CNTN4: variants seen among roughly 807,000 people sequenced by gnomAD.
CNTN4 encodes the protein contactin 4, also known as contactin-4.
CNTN4 carries 77 observed loss-of-function variants against 122.5 expected under a neutral mutation model. The observed-to-expected ratio is 0.63, with a 90% CI of 0.52 to 0.76. The LOEUF (loss-of-function observed/expected upper bound fraction) is 0.76. Among genes scored for constraint, CNTN4 ranks in the 30% least tolerant of loss-of-function variants. The probability of loss-of-function intolerance (pLI) is 0.00; values close to 1 mark genes in which losing one functional copy is unlikely to be tolerated. For synonymous variants in CNTN4, 512 were observed against 447.0 expected (o/e 1.15, Z -1.83); for missense variants, 1,256 against 1,259.1 (o/e 1.00, Z 0.04).
intron 7 of CNTN4, among the ~76,000 whole-genome samples, chr3:2,830,029 A>T (rs2093068762): frequency 6.6e-6 from 1 of 152,222 alleles, no homozygotes; most frequent in African/African-American, 2.4e-5. Context: ...TGTTCAGAAA[A>T]AAAATAATAA....
At chr3:2,289,767 T>G (rs962557142) in intron 2 of CNTN4, among the ~76,000 whole-genome samples, 2 of 152,164 alleles carry the variant, frequency 1.3e-5, no homozygotes, top group Non-Finnish European at 2.9e-5. Flanking sequence ...CTATATCTGG[T>G]TTTGATCTCT....
At chr3:2,943,647 C>T (rs1245518700) in intron 13 of CNTN4, among the ~76,000 whole-genome samples, 6 of 104,786 alleles carry the variant, frequency 5.7e-5, no homozygotes, top group African/African-American at 2.1e-4. Context: ...TTTTTTGAGA[C>T]GGAGTCTTGC....
At chr3:2,696,018 A>G (rs2086013847) in intron 4 of CNTN4, among the ~76,000 whole-genome samples, 1 of 152,324 alleles carries the variant, frequency 6.6e-6, no homozygotes, top group South Asian at 2.1e-4. Flanking sequence ...GTATATACAC[A>G]TGTATGCATT....
At chr3:2,160,725 A>G (rs572271681) in intron 2 of CNTN4, among the ~76,000 whole-genome samples, 31 of 152,306 alleles carry the variant, frequency 2.0e-4, no homozygotes, top group Admixed American at 1.2e-3. Context: ...AGGGCTTGGC[A>G]TCTGTTGTCA....
chr3:3,028,999 A>G (rs1470235588), intron 15 of CNTN4, among the ~76,000 whole-genome samples: 1 of 150,950 alleles, frequency 6.6e-6, no homozygotes, highest in Non-Finnish European at 1.5e-5. Context: ...ATTTTAGTGT[A>G]CTACGGTCCT....
At chr3:2,373,249 C>A (rs1164936017) in intron 3 of CNTN4, among the ~76,000 whole-genome samples, 1 of 152,140 alleles carries the variant, frequency 6.6e-6, no homozygotes, top group East Asian at 1.9e-4. Flanking sequence ...GTAGGCCCCA[C>A]GTGGGTTAAG....
chr3:2,799,559 T>C (rs866885901), intron 6 of CNTN4, among the ~76,000 whole-genome samples: 1 of 151,888 alleles, frequency 6.6e-6, no homozygotes, highest in South Asian at 2.1e-4. Flanking sequence ...GCCTCCGGGG[T>C]TCAAGCGATT....
At chr3:2,522,320 T>C (rs913664496) in intron 3 of CNTN4, among the ~76,000 whole-genome samples, 2 of 152,122 alleles carry the variant, frequency 1.3e-5, no homozygotes, top group Admixed American at 1.3e-4. Context: ...AAGTTAAAGC[T>C]CTATACTCAG....
intron 3 of CNTN4, among the ~76,000 whole-genome samples, chr3:2,534,507 G>A (rs188023544): frequency 6.6e-6 from 1 of 152,060 alleles, no homozygotes; most frequent in East Asian, 1.9e-4. Flanking sequence ...GTTGCATCCA[G>A]CTGCAGTGTG....
At chr3:2,894,478 G>C (rs1281543824) in intron 10 of CNTN4, among the ~76,000 whole-genome samples, 1 of 152,168 alleles carries the variant, frequency 6.6e-6, no homozygotes, top group Non-Finnish European at 1.5e-5. Context: ...ATGTCTCTGG[G>C]CCTTACCTAT....
chr3:2,275,088 G>A lies in CNTN4; in HGVS notation c.-144-64090G>A, dbSNP rs375434993. Among the ~76,000 whole-genome samples the A allele has an allele frequency of 1.1e-4, 17 of 152,316 alleles. No homozygotes were observed. The East Asian group carries it at 2.5e-3, about 22-fold the overall frequency. On this transcript the variant is annotated intron_variant, in intron 2 of 24. Transcript: ENST00000418658. ...CCTAGGGAGATTAAGGTAAGAGTAA[G>A]AGAGATGTCTAAACATTTTATGTGT...
intron 7 of CNTN4, among the ~76,000 whole-genome samples, chr3:2,827,550 C>T (rs756142559): frequency 2.6e-5 from 4 of 152,148 alleles, no homozygotes; most frequent in East Asian, 1.9e-4. Flanking sequence ...AGATACTTTT[C>T]GGATATATCT....
At chr3:2,701,661 A>C (rs1315561794) in intron 4 of CNTN4, among the ~76,000 whole-genome samples, 1 of 152,176 alleles carries the variant, frequency 6.6e-6, no homozygotes, top group Non-Finnish European at 1.5e-5. Context: ...CCTTAGCCCC[A>C]CCCCATGTTT....
chr3:2,763,872 T>C (rs1179225701), intron 6 of CNTN4, among the ~76,000 whole-genome samples: 1 of 152,188 alleles, frequency 6.6e-6, no homozygotes, highest in Non-Finnish European at 1.5e-5. Flanking sequence ...CCATGCTGTT[T>C]TGGTTACTGT....
At chr3:2,994,729 A>C (rs935012866) in intron 14 of CNTN4, among the ~76,000 whole-genome samples, 1 of 152,114 alleles carries the variant, frequency 6.6e-6, no homozygotes, top group Non-Finnish European at 1.5e-5. Context: ...CAACCTTTCC[A>C]TGCATAGCAT....
intron 3 of CNTN4, among the ~76,000 whole-genome samples, chr3:2,459,958 C>G (rs1292450002): frequency 6.6e-6 from 1 of 152,134 alleles, no homozygotes; most frequent in East Asian, 1.9e-4. Context: ...TAAACCCAGG[C>G]ATTGCTTCAT....
chr3:2,754,249 A>G (rs2090229340), intron 6 of CNTN4, among the ~76,000 whole-genome samples: 1 of 152,200 alleles, frequency 6.6e-6, no homozygotes, highest in Admixed American at 6.5e-5. Flanking sequence ...TGGGGCCTTC[A>G]TCCTGGAATT....
intron 14 of CNTN4, among the ~76,000 whole-genome samples, chr3:3,023,577 C>T (rs1266301880): frequency 6.6e-6 from 1 of 152,134 alleles, no homozygotes; most frequent in Non-Finnish European, 1.5e-5. Flanking sequence ...CAAAAGTTGT[C>T]AGGAGATAGG....
chr3:2,193,090 T>C (rs556175289), intron 2 of CNTN4, among the ~76,000 whole-genome samples: 2 of 152,240 alleles, frequency 1.3e-5, no homozygotes, highest in East Asian at 3.9e-4. Context: ...TTTACTGGAG[T>C]TGACAGCTCC....
Sources: gnomAD v4.1 joint callset for allele counts (sites outside exome capture counted in the v4.1 genomes callset) on GRCh38, gnomAD v4.1.1 for gene constraint, MANE v1.5 for transcripts, NCBI Gene and HGNC (gene_info 2026-07-23, HGNC 2026-07-21) for gene names.